Variants in HIVEP3 observed in about 807,000 individuals in gnomAD.
The protein encoded by HIVEP3 is transcription factor HIVEP3.
HIVEP3 carries 49 observed loss-of-function variants against 152.8 expected under a neutral mutation model. The observed-to-expected ratio is 0.32, with a 90% CI of 0.26 to 0.41. HIVEP3 has a LOEUF of 0.41. Among genes scored for constraint, HIVEP3 ranks in the 10% least tolerant of loss-of-function variants. The probability of loss-of-function intolerance (pLI) is 1.00; values close to 1 mark genes in which losing one functional copy is unlikely to be tolerated. For synonymous variants in HIVEP3, 1,269 were observed against 1,289.0 expected (o/e 0.98, Z 0.33); for missense variants, 2,790 against 3,103.3 (o/e 0.90, Z 2.40).
intron 1 of HIVEP3, among the ~76,000 whole-genome samples, chr1:41,834,238 C>T (rs2786484): frequency 0.85 from 128,710 of 152,052 alleles, 55,787 homozygotes; most frequent in East Asian, 1. Flanking sequence ...TCAGCTCCAT[C>T]TCTCTGCAGA....
At chr1:41,617,899 T>C (rs1208543432) in intron 3 of HIVEP3, among the ~76,000 whole-genome samples, 1 of 152,210 alleles carries the variant, frequency 6.6e-6, no homozygotes, top group African/African-American at 2.4e-5. Flanking sequence ...CAGTGTCTTC[T>C]TTTACAAAAG....
intron 3 of HIVEP3, among the ~76,000 whole-genome samples, chr1:41,606,419 G>A (rs867278970): frequency 4.1e-4 from 63 of 151,918 alleles, no homozygotes; most frequent in South Asian, 2.9e-3. Context: ...CTCATCGACA[G>A]TATAATTAAG....
At chr1:41,534,896 G>A (rs59330427) in intron 5 of HIVEP3, among the ~76,000 whole-genome samples, 3 of 152,114 alleles carry the variant, frequency 2.0e-5, no homozygotes, top group African/African-American at 7.2e-5. Context: ...AGGTGGGCAG[G>A]ACACTTGGGT....
At chr1:41,562,618 T>C (rs1234456724) in intron 5 of HIVEP3, among the ~76,000 whole-genome samples, 10 of 114,318 alleles carry the variant, frequency 8.7e-5, no homozygotes, top group Non-Finnish European at 1.7e-4. Context: ...TCTCTCTCTC[T>C]CTCTCTCTCT....
chr1:41,941,153 C>G (rs1645043925), intron 1 of HIVEP3, among the ~76,000 whole-genome samples: 1 of 152,118 alleles, frequency 6.6e-6, no homozygotes, highest in South Asian at 2.1e-4. Context: ...GGAAGGCAGA[C>G]AGCAGGAAGG....
In HIVEP3 at chr1:41,526,815, AC is replaced by A. The variant is rs201065892; in HGVS notation, c.5208-1906del. ...CTCACACGCTCACCCTCACACATAC[AC>A]CCCCCCACACTCCCTCACACCCGTT... is the stretch of plus-strand genomic sequence containing the variant. On this transcript the variant is annotated intron_variant, in intron 5 of 8. Transcript: ENST00000372583. Among the ~76,000 whole-genome samples, 389 of 112,640 alleles carry A rather than the reference AC, an allele frequency of 3.5e-3. 3 individuals carry two copies. Among genetic ancestry groups the A allele is most frequent in the East Asian group, 0.025 (83 of 3,264 alleles). 73.9% of individuals were successfully genotyped at this position (112,640 alleles called of 152,430 possible).
At chr1:41,794,108 T>C (rs1362806040) in intron 1 of HIVEP3, among the ~76,000 whole-genome samples, 1 of 152,142 alleles carries the variant, frequency 6.6e-6, no homozygotes, top group Non-Finnish European at 1.5e-5. Context: ...GGGTAATTTA[T>C]AAAGGAAAGA....
intron 1 of HIVEP3, among the ~76,000 whole-genome samples, chr1:41,911,810 C>CA (rs1333880332): frequency 2.0e-5 from 3 of 152,118 alleles, no homozygotes; most frequent in African/African-American, 7.2e-5. Context: ...AATGAAGTCC[C>CA]AGCCCTAGTG....
chr1:41,896,424 G>A (rs1644528089), intron 1 of HIVEP3, among the ~76,000 whole-genome samples: 2 of 152,158 alleles, frequency 1.3e-5, no homozygotes, highest in Non-Finnish European at 2.9e-5. Context: ...GTCAACACAT[G>A]TGGAGGCAAC....
At chr1:41,644,838 C>A (rs2123995252) in intron 2 of HIVEP3, among the ~76,000 whole-genome samples, 1 of 152,080 alleles carries the variant, frequency 6.6e-6, no homozygotes, top group Non-Finnish European at 1.5e-5. Context: ...AACTGGCTCC[C>A]AGGATATTAT....
intron 1 of HIVEP3, among the ~76,000 whole-genome samples, chr1:41,758,904 C>A (rs1178085289): frequency 6.6e-6 from 1 of 152,122 alleles, no homozygotes; most frequent in Admixed American, 6.5e-5. Flanking sequence ...GTACTGTGAC[C>A]AATGACTCCC....
In HIVEP3 at chr1:41,950,255, G is replaced by T. The variant is rs535514623; in HGVS notation, n.120-31731C>A. Reference sequence around the variant, plus strand: ...CAGCCGGCAATGGCTACCCTCTTTGGGTCCCCTCCCTTTGTATGGGAGTTC... The same window carrying T: ...CAGCCGGCAATGGCTACCCTCTTTGTGTCCCCTCCCTTTGTATGGGAGTTC... On this transcript the variant is annotated intron_variant and non_coding_transcript_variant, in intron 1 of 3. Coordinates refer to the HIVEP3 transcript ENST00000489103. 3.1e-4 allele frequency among the ~76,000 whole-genome samples: 47 copies of T among 152,118 alleles called. No individual in the cohort carries two copies. The South Asian group carries it at 8.9e-3, about 29-fold the overall frequency.
At chr1:41,768,091 C>A (rs1177511329) in intron 1 of HIVEP3, among the ~76,000 whole-genome samples, 1 of 152,182 alleles carries the variant, frequency 6.6e-6, no homozygotes, top group Non-Finnish European at 1.5e-5. Context: ...GCTGCTCTTT[C>A]CCCTCAAGCT....
intron 1 of HIVEP3, among the ~76,000 whole-genome samples, chr1:41,861,574 G>A (rs903220731): frequency 6.6e-6 from 1 of 152,206 alleles, no homozygotes; most frequent in African/African-American, 2.4e-5. Context: ...TGGCCTCTGG[G>A]GATGTGGGGA....
intron 3 of HIVEP3, among the ~76,000 whole-genome samples, chr1:41,612,023 G>T (rs1365169316): frequency 6.6e-6 from 1 of 151,966 alleles, no homozygotes; most frequent in Non-Finnish European, 1.5e-5. Context: ...TTCCTGCCTG[G>T]CAGTCTGGCT....
At chr1:42,015,680 C>T (rs1044276658) in intron 1 of HIVEP3, among the ~76,000 whole-genome samples, 2 of 152,234 alleles carry the variant, frequency 1.3e-5, no homozygotes, top group Non-Finnish European at 2.9e-5. Flanking sequence ...CACACAAGAA[C>T]CAGACTGTAG....
At chr1:41,979,744 A>G (rs996862961) in intron 1 of HIVEP3, among the ~76,000 whole-genome samples, 1 of 152,142 alleles carries the variant, frequency 6.6e-6, no homozygotes, top group African/African-American at 2.4e-5. Flanking sequence ...ACACTTTAAC[A>G]TGAGCCCTCC....
intron 3 of HIVEP3, among the ~76,000 whole-genome samples, chr1:41,614,195 T>C (rs1313185115): frequency 6.6e-6 from 1 of 152,222 alleles, no homozygotes; most frequent in Non-Finnish European, 1.5e-5. Context: ...CAGAAACAGA[T>C]AGCACATGGG....
intron 1 of HIVEP3, among the ~76,000 whole-genome samples, chr1:41,926,652 G>A (rs888231990): frequency 6.6e-6 from 1 of 152,064 alleles, no homozygotes; most frequent in African/African-American, 2.4e-5. Context: ...TCACTGTGCT[G>A]GGAACTTCCC....
Sources: allele counts gnomAD v4.1 joint callset (sites outside exome capture counted in the v4.1 genomes callset), GRCh38; gene constraint gnomAD v4.1.1; transcripts MANE v1.5; gene names NCBI Gene and HGNC (gene_info 2026-07-23, HGNC 2026-07-21).